Variants in FOXO3 observed in about 807,000 individuals in gnomAD.
FOXO3 encodes forkhead box protein O3.
A neutral mutation model predicts 41.9 loss-of-function variants in FOXO3; 4 were observed. That is an observed-to-expected ratio of 0.10 (90% CI 0.05 to 0.22). The LOEUF is 0.22. Among genes scored for constraint, FOXO3 ranks in the 10% least tolerant of loss-of-function variants. The pLI is 1.00. For synonymous variants in FOXO3, 318 were observed against 389.3 expected, an observed-to-expected ratio of 0.82 and a Z score of 2.16; for missense variants, 534 against 906.8, an observed-to-expected ratio of 0.59 and a Z score of 5.28.
intron 1 of FOXO3, among the ~76,000 whole-genome samples, chr6:108,640,664 A>G (rs980594251): frequency 6.6e-6 from 1 of 152,172 alleles, no homozygotes; most frequent in Non-Finnish European, 1.5e-5. Flanking sequence ...GATACTTCAC[A>G]ATTTCATATG....
rs200536852 is a variant in FOXO3, at chr6:108,617,468, C to CT, written c.622-45977dup. Reference sequence around the variant, plus strand: ...CTTAAAGAGAAAACTATATAGGATTCTTTTTTTTTTAGAGTAGTTTATCCC... The same window carrying CT: ...CTTAAAGAGAAAACTATATAGGATTCTTTTTTTTTTTAGAGTAGTTTATCCC... On this transcript the variant is annotated intron_variant, in intron 1 of 2. Transcript: ENST00000406360. Among the ~76,000 whole-genome samples, 152 of 146,598 alleles carry CT rather than the reference C, an allele frequency of 1.0e-3. 1 individual carries two copies. Among genetic ancestry groups the CT allele is most frequent in the African/African-American group, 2.8e-3 (113 of 39,972 alleles).
intron 1 of FOXO3, among the ~76,000 whole-genome samples, chr6:108,593,604 C>T (rs933026481): frequency 2.0e-5 from 3 of 151,930 alleles, no homozygotes; most frequent in African/African-American, 4.8e-5. Context: ...TCTCTAACTC[C>T]TGGCCTCAAG....
chr6:108,610,520 T>G (rs1247622548), intron 1 of FOXO3, among the ~76,000 whole-genome samples: 1 of 152,242 alleles, frequency 6.6e-6, no homozygotes, highest in Non-Finnish European at 1.5e-5. Context: ...TTCTGAGTTT[T>G]GTGTGTGCCC....
At chr6:108,657,730 G>A (rs571260062) in intron 1 of FOXO3, among the ~76,000 whole-genome samples, 2 of 152,274 alleles carry the variant, frequency 1.3e-5, no homozygotes, top group Non-Finnish European at 2.9e-5. Context: ...GATTGAGGTG[G>A]CAGGAGGGAC....
chr6:108,648,602 G>A (rs753202942), intron 1 of FOXO3, among the ~76,000 whole-genome samples: 2 of 152,112 alleles, frequency 1.3e-5, no homozygotes, highest in Non-Finnish European at 2.9e-5. Context: ...TTTTACATAG[G>A]AGAAGAGAAG....
intron 1 of FOXO3, among the ~76,000 whole-genome samples, chr6:108,597,223 G>A (rs1299771179): frequency 6.6e-6 from 1 of 152,208 alleles, no homozygotes; most frequent in Non-Finnish European, 1.5e-5. Flanking sequence ...ATGGCTAGAT[G>A]AGAAAGAGAG....
At chr6:108,632,233 T>C (rs1777992720) in intron 1 of FOXO3, among the ~76,000 whole-genome samples, 1 of 152,162 alleles carries the variant, frequency 6.6e-6, no homozygotes, top group Admixed American at 6.5e-5. Context: ...TAGCAAAGTG[T>C]AATCCCAGCT....
intron 1 of FOXO3, among the ~76,000 whole-genome samples, chr6:108,662,261 A>C (rs1481282055): frequency 6.6e-6 from 1 of 152,276 alleles, no homozygotes; most frequent in East Asian, 1.9e-4. Context: ...AGAAGGTGCC[A>C]TTCTCATCAT....
At chr6:108,621,243 G>A (rs1562247482) in intron 1 of FOXO3, among the ~76,000 whole-genome samples, 4 of 152,160 alleles carry the variant, frequency 2.6e-5, no homozygotes, top group Non-Finnish European at 5.9e-5. Context: ...AGCTAGGAGT[G>A]CCCACGAGGA....
chr6:108,663,983 G>A lies in FOXO3; in HGVS notation c.1150G>A (p.Glu384Lys). The change falls in exon 2 of 3, where the codon GAA becomes AAA. Residue 384 changes from glutamate (E) to lysine (K), a missense_variant. By Grantham distance (56) the Glu-to-Lys change is moderately conservative. Coordinates refer to ENST00000406360, the MANE Select transcript of FOXO3 (RefSeq NM_001455.4). ...CATGAATCTGAATGATGGGCTGACTGAAAACCTCATGGACGACCTGCTGGA... is the reference window on the plus strand; with the variant it reads ...CATGAATCTGAATGATGGGCTGACTAAAAACCTCATGGACGACCTGCTGGA... Reference protein sequence around the residue: ...GTMNLNDGLTENLMDDLLDNI... With the variant: ...GTMNLNDGLTKNLMDDLLDNI... 2.5e-6 allele frequency: 4 copies of A among 1,614,168 alleles called. No homozygotes were observed. The highest frequency in any genetic ancestry group is 3.4e-6 in the Non-Finnish European group (4 of 1,180,020).
intron 1 of FOXO3, among the ~76,000 whole-genome samples, chr6:108,618,807 T>C (rs965684669): frequency 9.2e-5 from 14 of 152,218 alleles, no homozygotes; most frequent in African/African-American, 3.1e-4. Context: ...CCGACCCTTT[T>C]GTGCTGCTCT....
At chr6:108,572,378 T>C (rs2128357376) in intron 1 of FOXO3, among the ~76,000 whole-genome samples, 1 of 152,342 alleles carries the variant, frequency 6.6e-6, no homozygotes, top group East Asian at 1.9e-4. Flanking sequence ...GTCCCCTCAG[T>C]GTGTCCTATG....
chr6:108,677,172 A>C (rs1190341529), intron 2 of FOXO3, among the ~76,000 whole-genome samples: 1 of 152,234 alleles, frequency 6.6e-6, no homozygotes, highest in Non-Finnish European at 1.5e-5. Context: ...AAGCTGTAGA[A>C]CATAGCTTCA....
At chr6:108,627,043 G>A (rs897988219) in intron 1 of FOXO3, among the ~76,000 whole-genome samples, 1 of 152,216 alleles carries the variant, frequency 6.6e-6, no homozygotes, top group South Asian at 2.1e-4. Context: ...CTTCCTAACT[G>A]TCATGGACAC....
At chr6:108,618,408 A>G in intron 1 of FOXO3, 1 of 481,276 alleles carries the variant, frequency 2.1e-6, no homozygotes, top group Non-Finnish European at 3.8e-6. Context: ...GATGAAGGAG[A>G]GGGAATTTTA....
At chr6:108,672,683 T>G (rs1779249296) in intron 2 of FOXO3, among the ~76,000 whole-genome samples, 1 of 152,100 alleles carries the variant, frequency 6.6e-6, no homozygotes, top group Non-Finnish European at 1.5e-5. Context: ...TTGGTTTGAT[T>G]GAAGGTTTGG....
rs187910209 is a variant in FOXO3 at position 108,662,548 on chromosome 6, A to G, written c.622-907A>G. 6.2e-4 allele frequency among the ~76,000 whole-genome samples: 94 copies of G among 152,340 alleles called. 1 individual carries two copies. Among genetic ancestry groups the G allele is most frequent in the East Asian group, 9.6e-4 (5 of 5,192 alleles). On this transcript the variant is annotated intron_variant, in intron 1 of 2. Transcript: ENST00000406360. ...GCTCTACACTTCTTATGTCTGCAAG[A>G]GTTACATGGTAAGGTGTAAAATCTG...
Position 108,658,411 on chromosome 6 carries a change from A to C in FOXO3, c.622-5044A>C, listed in dbSNP as rs149549781. Among the ~76,000 whole-genome samples, 1,079 of 152,310 alleles carry C rather than the reference A, an allele frequency of 7.1e-3. 24 individuals carry two copies. The highest frequency in any genetic ancestry group is 0.049 in the South Asian group (236 of 4,830). ...TTTCTGTAGGTAATAGGCTCCAGGG[A>C]ATGCATTCTGCCACTAAGAAACCTC... is the stretch of plus-strand genomic sequence containing the variant. On this transcript the variant is annotated intron_variant, in intron 1 of 2. Transcript: ENST00000406360.
intron 1 of FOXO3, among the ~76,000 whole-genome samples, chr6:108,610,419 A>C (rs746456946): frequency 2.6e-5 from 4 of 152,208 alleles, no homozygotes; most frequent in African/African-American, 4.8e-5. Context: ...AGTGTTCTTA[A>C]GTACAAGTGA....
Sources: allele counts gnomAD v4.1 joint callset (sites outside exome capture counted in the v4.1 genomes callset), GRCh38; gene constraint gnomAD v4.1.1; transcripts MANE v1.5; gene names NCBI Gene and HGNC (gene_info 2026-07-23, HGNC 2026-07-21).